Variants in STK31 observed in about 807,000 individuals in gnomAD.
The protein encoded by STK31 is serine/threonine-protein kinase 31.
A neutral mutation model predicts 129.7 loss-of-function variants in STK31; 89 were observed. The ratio of observed to expected loss-of-function variants is 0.69; its 90% CI spans 0.58 to 0.82. The LOEUF is 0.82. Ranked by LOEUF, STK31 falls within the 40% of genes least tolerant of loss-of-function variation. STK31 has a pLI of 0.00. For missense variants in STK31, 1,187 were observed against 1,176.4 expected (o/e 1.01, Z -0.13); for synonymous variants, 448 against 395.3 (o/e 1.13, Z -1.58).
In STK31 at chr7:23,770,839, T is replaced by C. The variant is rs111919720; in HGVS notation, c.1714-166T>C. Among the ~76,000 whole-genome samples the C allele has an allele frequency of 5.0e-3, 758 of 152,304 alleles. 5 individuals carry two copies. The highest frequency in any genetic ancestry group is 8.0e-3 in the Non-Finnish European group (544 of 68,000). On this transcript the variant is annotated intron_variant, in intron 13 of 23. Coordinates refer to ENST00000355870, the MANE Select transcript of STK31 (RefSeq NM_031414.5). ...GGCTGCCATATGAACATCTTTGATA[T>C]CTATCTATCTTCTGACTAGGAAAAC...
intron 13 of STK31, 120 bp downstream of exon 13, chr7:23,769,876 C>G (rs530247422): frequency 2.4e-4 from 136 of 557,144 alleles, no homozygotes; most frequent in South Asian, 8.5e-4. Flanking sequence ...TAAGACTGAT[C>G]TTAGCTTTCT....
intron 22 of STK31, among the ~76,000 whole-genome samples, chr7:23,799,785 A>G (rs1584468197): frequency 1.3e-5 from 2 of 152,300 alleles, no homozygotes; most frequent in African/African-American, 2.4e-5. Context: ...AAGTGAACAC[A>G]TCAGAGTGAA....
chr7:23,730,186 A>G (rs1039689612), intron 6 of STK31, among the ~76,000 whole-genome samples: 3 of 152,238 alleles, frequency 2.0e-5, no homozygotes, highest in Non-Finnish European at 4.4e-5. Flanking sequence ...CTGGTGAGAG[A>G]TATTACATTG....
intron 5 of STK31, among the ~76,000 whole-genome samples, chr7:23,727,842 G>A (rs1424476386): frequency 6.6e-6 from 1 of 151,920 alleles, no homozygotes; most frequent in Non-Finnish European, 1.5e-5. Context: ...TTACAGGAGT[G>A]AGCCACTGTG....
intron 8 of STK31, among the ~76,000 whole-genome samples, chr7:23,740,401 T>C (rs1353492055): frequency 6.6e-6 from 1 of 152,208 alleles, no homozygotes; most frequent in Non-Finnish European, 1.5e-5. Flanking sequence ...ATCACCATTA[T>C]TAAGTTTTTC....
chr7:23,799,418 G>A (rs1415049733), intron 22 of STK31, among the ~76,000 whole-genome samples: 2 of 152,016 alleles, frequency 1.3e-5, no homozygotes, highest in East Asian at 1.9e-4. Flanking sequence ...ACAAAACAGA[G>A]GCCACAGAAG....
At chr7:23,733,245 T>G (rs1418172780) in intron 6 of STK31, among the ~76,000 whole-genome samples, 1 of 152,144 alleles carries the variant, frequency 6.6e-6, no homozygotes, top group Non-Finnish European at 1.5e-5. Context: ...TTTCGTGTTT[T>G]GTGGATTTAA....
intron 18 of STK31, 148 bp downstream of exon 18, chr7:23,785,751 C>A (rs1224270039): frequency 2.8e-5 from 30 of 1,053,782 alleles, no homozygotes; most frequent in Non-Finnish European, 3.4e-5. Context: ...AGTTTGGTTG[C>A]CAGAACTAAT....
chr7:23,800,509 A>G (rs1052671687), intron 22 of STK31, among the ~76,000 whole-genome samples: 11 of 151,956 alleles, frequency 7.2e-5, no homozygotes, highest in African/African-American at 2.7e-4. Flanking sequence ...TCATGTTCTC[A>G]CTCATAAGTG....
At chr7:23,827,781 G>A (rs1261281208) in intron 23 of STK31, among the ~76,000 whole-genome samples, 1 of 152,112 alleles carries the variant, frequency 6.6e-6, no homozygotes, top group Non-Finnish European at 1.5e-5. Flanking sequence ...TGGTGTGGAT[G>A]TCCTTTCTGT....
At chr7:23,732,184 G>T (rs867210229) in intron 6 of STK31, among the ~76,000 whole-genome samples, 7 of 152,096 alleles carry the variant, frequency 4.6e-5, no homozygotes, top group Middle Eastern at 6.8e-3. Flanking sequence ...GGTGGCGCAT[G>T]CCTGTAGTCC....
At chr7:23,775,022 A>G (rs971762756) in intron 15 of STK31, among the ~76,000 whole-genome samples, 1 of 152,170 alleles carries the variant, frequency 6.6e-6, no homozygotes, top group African/African-American at 2.4e-5. Flanking sequence ...AACACCATTT[A>G]TTAAGTAGGG....
At chr7:23,827,964 C>G (rs1023357298) in intron 23 of STK31, among the ~76,000 whole-genome samples, 30 of 152,262 alleles carry the variant, frequency 2.0e-4, no homozygotes, top group African/African-American at 7.2e-4. Context: ...AGTTTTGTCT[C>G]AGAGGAGTAC....
At chr7:23,734,632 G>T (rs1353984435) in intron 6 of STK31, among the ~76,000 whole-genome samples, 1 of 152,192 alleles carries the variant, frequency 6.6e-6, no homozygotes. Context: ...CAGTTGTACA[G>T]TTGTAGCCCT....
Position 23,721,003 on chromosome 7 carries a change from C to T in STK31, c.249+3424C>T, listed in dbSNP as rs149790101. On this transcript the variant is annotated intron_variant, in intron 4 of 23. Transcript: ENST00000355870. ...AACCTTATATAAAATTAAATCTAAC[C>T]CTTACCACTACAAATCTGTAAGGAA... 9.0e-4 allele frequency among the ~76,000 whole-genome samples: 137 copies of T among 152,160 alleles called. 1 individual carries two copies. In the East Asian group the frequency reaches 0.023, roughly 25 times the overall value.
intron 20 of STK31, 72 bp downstream of exon 20, chr7:23,786,996 A>G: frequency 4.2e-6 from 6 of 1,413,062 alleles, no homozygotes; most frequent in South Asian, 1.2e-5. Flanking sequence ...TTATTCAGGC[A>G]TACTACATGC....
At chr7:23,778,208 G>T (rs79259636) in intron 15 of STK31, among the ~76,000 whole-genome samples, 1 of 152,206 alleles carries the variant, frequency 6.6e-6, no homozygotes, top group Non-Finnish European at 1.5e-5. Context: ...AGAAATTGCT[G>T]TTAGTTTGAT....
chr7:23,823,180 C>T lies in STK31; in HGVS notation c.2829+7968C>T, dbSNP rs577961265. On this transcript the variant is annotated intron_variant, in intron 23 of 23. Coordinates refer to ENST00000355870, the MANE Select transcript of STK31 (RefSeq NM_031414.5). Reference sequence around the variant, plus strand: ...CCCTGAGGAATTGCCACACCGACTTCCACAATGGTTGAACTAGTTTACAGT... The same window carrying T: ...CCCTGAGGAATTGCCACACCGACTTTCACAATGGTTGAACTAGTTTACAGT... Among the ~76,000 whole-genome samples the T allele has an allele frequency of 2.8e-3, 428 of 152,298 alleles. 3 individuals are homozygous for T. The highest frequency in any genetic ancestry group is 9.8e-3 in the African/African-American group (409 of 41,550).
Position 23,771,137 on chromosome 7 carries a change from T to C in STK31, c.1833+13T>C. On this transcript the variant is annotated intron_variant, in intron 14 of 23. Coordinates refer to ENST00000355870, the MANE Select transcript of STK31 (RefSeq NM_031414.5). ...GGACAGTATTGAGGTTTGATTGTGC[T>C]TTCTCTTATTGATCTTATAAATTGA... The C allele has an allele frequency of 1.9e-6, 3 of 1,551,846 alleles. No homozygotes were observed. Among genetic ancestry groups the C allele is most frequent in the Non-Finnish European group, 2.6e-6 (3 of 1,156,788 alleles).
Sources: gnomAD v4.1 joint callset for allele counts (sites outside exome capture counted in the v4.1 genomes callset) on GRCh38, gnomAD v4.1.1 for gene constraint, MANE v1.5 for transcripts, NCBI Gene and HGNC (gene_info 2026-07-23, HGNC 2026-07-21) for gene names.